EVI2A: variants seen among roughly 807,000 people sequenced by gnomAD.
EVI2A encodes the protein ecotropic viral integration site 2A.
Under a neutral mutation model 13.0 loss-of-function variants are expected in EVI2A, and 11 were observed. The ratio of observed to expected loss-of-function variants is 0.85; its 90% CI spans 0.53 to 1.40. The LOEUF (loss-of-function observed/expected upper bound fraction) is 1.40. EVI2A is among the 40% of genes most tolerant of loss of function. The pLI is 0.00. For synonymous variants in EVI2A, 89 were observed against 98.0 expected (o/e 0.91, Z 0.54); for missense variants, 267 against 279.5 (o/e 0.96, Z 0.32).
In EVI2A at chr17:31,317,079, G is replaced by C. The variant is rs1340193373; in HGVS notation, c.*1224C>G. 6.6e-6 allele frequency among the ~76,000 whole-genome samples: 1 copy of C among 152,092 alleles called. No homozygotes were observed. Among genetic ancestry groups the C allele is most frequent in the Non-Finnish European group, 1.5e-5 (1 of 68,018 alleles). On this transcript the variant is annotated 3_prime_UTR_variant, in exon 2 of 2. Coordinates refer to ENST00000462804, the MANE Select transcript of EVI2A (RefSeq NM_014210.4). Reference sequence around the variant, plus strand: ...AAGAATCACTAGCTTAGAAGGGAGAGTAAGATTGTAGTCATACTTGGGAAA... The same window carrying C: ...AAGAATCACTAGCTTAGAAGGGAGACTAAGATTGTAGTCATACTTGGGAAA...
intron 1 of EVI2A, chr17:31,320,495 A>C: frequency 2.1e-6 from 3 of 1,401,752 alleles, no homozygotes; most frequent in South Asian, 1.2e-5. Flanking sequence ...GTTATATGTC[A>C]TTGGCTGACA....
rs2069041551 is a variant in EVI2A, at chr17:31,317,161, G to A, written c.*1142C>T. Among the ~76,000 whole-genome samples, 1 of 152,082 alleles carries A rather than the reference G, an allele frequency of 6.6e-6. No homozygotes were observed. Among genetic ancestry groups the A allele is most frequent in the Non-Finnish European group, 1.5e-5 (1 of 68,022 alleles). On this transcript the variant is annotated 3_prime_UTR_variant, in exon 2 of 2. Coordinates refer to ENST00000462804, the MANE Select transcript of EVI2A (RefSeq NM_014210.4). Reference sequence around the variant, plus strand: ...CTATATTGCCCGAAATAAATGCCCAGTAAGGGATGAGATTTTTGAAATGTG... The same window carrying A: ...CTATATTGCCCGAAATAAATGCCCAATAAGGGATGAGATTTTTGAAATGTG...
At position 31,318,266 on chromosome 17, in the gene EVI2A, C is replaced by A; in HGVS notation, c.*37G>T. ...ATACCAACTGACTTCATTTTTACTC[C>A]ATAAGCCTTCTCATTGCTACTTTGC... On this transcript the variant is annotated 3_prime_UTR_variant, in exon 2 of 2. Transcript: ENST00000462804. The A allele has an allele frequency of 6.4e-7, 1 of 1,563,884 alleles. No homozygotes were observed. The highest frequency in any genetic ancestry group is 1.2e-5 in the South Asian group (1 of 81,664).
rs1267703699 is a variant in EVI2A at position 31,317,453 on chromosome 17, A to G, written c.*850T>C. On this transcript the variant is annotated 3_prime_UTR_variant, in exon 2 of 2. Coordinates refer to ENST00000462804, the MANE Select transcript of EVI2A (RefSeq NM_014210.4). ...TGGCATCCTTGAAGTCCAAAAATTA[A>G]TCAACCTTTGGTACTTGTTGTTAAT... 2.0e-5 allele frequency: 3 copies of G among 151,984 alleles called. No individual in the cohort carries two copies. Among genetic ancestry groups the G allele is most frequent in the African/African-American group, 7.2e-5 (3 of 41,380 alleles). The allele number at this position is 151,984 out of a possible 1,614,324, so 9.4% of individuals were successfully genotyped here.
chr17:31,318,755 T>A lies in EVI2A; in HGVS notation c.259A>T (p.Thr87Ser). Reference protein sequence around the residue: ...MPETSHIVALTSKSEQELYIP... With the variant: ...MPETSHIVALSSKSEQELYIP... Reference sequence around the variant, plus strand: ...TAAAGCTCCTGTTCAGATTTAGAAGTTAAAGCTACGATGTGAGATGTTTCA... The same window carrying A: ...TAAAGCTCCTGTTCAGATTTAGAAGATAAAGCTACGATGTGAGATGTTTCA... Residue 87 changes from threonine to serine, a missense_variant, in exon 2 of 2, where the codon ACT (threonine) becomes TCT (serine). Physicochemically the swap from Thr to Ser is moderately conservative, Grantham distance 58. Coordinates refer to ENST00000462804, the MANE Select transcript of EVI2A (RefSeq NM_014210.4). 1 of 1,614,100 alleles carries A rather than the reference T, an allele frequency of 6.2e-7. No homozygotes were observed. The highest frequency in any genetic ancestry group is 8.5e-7 in the Non-Finnish European group (1 of 1,179,978).
intron 1 of EVI2A, chr17:31,321,124 A>G (rs1049588599): frequency 2.6e-5 from 4 of 152,348 alleles, no homozygotes; most frequent in Non-Finnish European, 5.9e-5. Context: ...AGGTTGTGTT[A>G]TCAGAAGTTT....
At chr17:31,321,227 A>G (rs2069180837) in intron 1 of EVI2A, among the ~76,000 whole-genome samples, 1 of 152,224 alleles carries the variant, frequency 6.6e-6, no homozygotes, top group African/African-American at 2.4e-5. Context: ...TTAACTTTTG[A>G]AAAATAACAA....
Position 31,318,130 on chromosome 17 carries a change from C to G in EVI2A, c.*173G>C, listed in dbSNP as rs191395453. 113 of 717,152 alleles carry G rather than the reference C, an allele frequency of 1.6e-4. 3 individuals carry two copies. The Admixed American group carries it at 3.8e-3, about 24-fold the overall frequency. The allele number at this position is 717,152 out of a possible 1,614,324, so 44.4% of individuals were successfully genotyped here. A position where few individuals can be genotyped will look rare whatever the true frequency, so the allele number is the denominator to read the frequency against. On this transcript the variant is annotated 3_prime_UTR_variant, in exon 2 of 2. Transcript: ENST00000462804. Reference sequence around the variant, plus strand: ...TATTCAGTGTCAAAACAAAAGTACACAGTTTAAATAATTAAGCAGGCATAC... The same window carrying G: ...TATTCAGTGTCAAAACAAAAGTACAGAGTTTAAATAATTAAGCAGGCATAC...
chr17:31,320,409 C>G (rs1160443672), intron 1 of EVI2A: 1 of 1,609,482 alleles, frequency 6.2e-7, no homozygotes, highest in Non-Finnish European at 8.5e-7. Flanking sequence ...GTCTTTGTTT[C>G]CAAACCAACT....
At chr17:31,320,417 A>G (rs768583648) in intron 1 of EVI2A, 3 of 1,611,218 alleles carry the variant, frequency 1.9e-6, no homozygotes, top group Admixed American at 1.7e-5. Context: ...TTCCAAACCA[A>G]CTCCTAAGCA....
At chr17:31,320,389 G>T in intron 1 of EVI2A, 1 of 1,607,286 alleles carries the variant, frequency 6.2e-7, no homozygotes. Flanking sequence ...AGTATAGGTA[G>T]GGCCTGAAAG....
intron 1 of EVI2A, chr17:31,320,246 A>ACC: frequency 1.5e-6 from 1 of 683,006 alleles, no homozygotes; most frequent in Non-Finnish European, 2.2e-6. Flanking sequence ...GCAAAACTAT[A>ACC]TTGTTCTCCT....
intron 1 of EVI2A, among the ~76,000 whole-genome samples, chr17:31,319,755 G>T (rs201017375): frequency 8.5e-6 from 1 of 117,848 alleles, no homozygotes; most frequent in East Asian, 2.8e-4. Context: ...AAAATCTGAA[G>T]AAAAAAAAAA....
chr17:31,316,546 C>A lies in EVI2A; in HGVS notation c.*1757G>T, dbSNP rs12940802. Among the ~76,000 whole-genome samples the A allele has an allele frequency of 0.5, 75,559 of 151,950 alleles. 20,632 individuals carry two copies. Among genetic ancestry groups the A allele is most frequent in the Non-Finnish European group, 0.62 (42,136 of 67,950 alleles). The stretch of plus-strand genomic sequence containing the variant: ...TAATTTCTTTTAATTTTCTCTGACA[C>A]GTGTTTATTTATGACCCTTGATTCA... On this transcript the variant is annotated 3_prime_UTR_variant, in exon 2 of 2. Coordinates refer to ENST00000462804, the MANE Select transcript of EVI2A (RefSeq NM_014210.4).
intron 1 of EVI2A, chr17:31,320,578 A>G: frequency 1.6e-6 from 1 of 642,548 alleles, no homozygotes; most frequent in East Asian, 2.7e-5. Context: ...CAAAAGTAGC[A>G]TGTAATAAAC....
At position 31,317,269 on chromosome 17, in the gene EVI2A, T is replaced by TG. The variant is rs895043832; in HGVS notation, c.*1033dup. 9.9e-5 allele frequency among the ~76,000 whole-genome samples: 15 copies of TG among 151,780 alleles called. No homozygotes were observed. Among genetic ancestry groups the TG allele is most frequent in the African/African-American group, 2.9e-4 (12 of 41,284 alleles). Reference sequence around the variant, plus strand: ...TTTTTGTAATATATTTAATTGAAGATGGGGGGGTTCTCAACTTAAATGTAA... The same window carrying TG: ...TTTTTGTAATATATTTAATTGAAGATGGGGGGGGTTCTCAACTTAAATGTAA... On this transcript the variant is annotated 3_prime_UTR_variant, in exon 2 of 2. Coordinates refer to ENST00000462804, the MANE Select transcript of EVI2A (RefSeq NM_014210.4).
Position 31,321,518 on chromosome 17 carries a change from C to G in EVI2A, c.-34G>C, listed in dbSNP as rs1273978494. The G allele has an allele frequency of 6.6e-6, 1 of 152,112 alleles. No individual in the cohort carries two copies. The highest frequency in any genetic ancestry group is 1.5e-5 in the Non-Finnish European group (1 of 68,016). 9.4% of individuals were successfully genotyped at this position (152,112 alleles called of 1,614,324 possible). A position where few individuals can be genotyped will look rare whatever the true frequency, so the allele number is the denominator to read the frequency against. On this transcript the variant is annotated 5_prime_UTR_variant, in exon 1 of 2. Coordinates refer to ENST00000462804, the MANE Select transcript of EVI2A (RefSeq NM_014210.4). ...ACCTTACAAAATGCTTGGTCAAAAT[C>G]TGATTATAACGTGATTTTGATAAAC...
chr17:31,320,175 T>A (rs1038036400), intron 1 of EVI2A, among the ~76,000 whole-genome samples: 3 of 152,158 alleles, frequency 2.0e-5, no homozygotes, highest in African/African-American at 7.2e-5. Context: ...TATACCAGTT[T>A]GTCTTGAGCT....
In EVI2A at chr17:31,318,644, C is replaced by T. The variant is rs748478382; in HGVS notation, c.370G>A (p.Asp124Asn). Reference sequence around the variant, plus strand: ...TTGTTGTTGTTTTCCGCACAGACATCCTTTTTGAAAATTTCACCATGACTT... The same window carrying T: ...TTGTTGTTGTTTTCCGCACAGACATTCTTTTTGAAAATTTCACCATGACTT... Reference protein sequence around the residue: ...SKSHGEIFKKDVCAENNNNMA... With the variant: ...SKSHGEIFKKNVCAENNNNMA... The change falls in exon 2 of 2, where the codon GAT becomes AAT. Residue 124 changes from aspartate to asparagine, a missense_variant. By Grantham distance (23) the Asp-to-Asn change is conservative. Transcript: ENST00000462804. 1.2e-6 allele frequency: 2 copies of T among 1,613,916 alleles called. No homozygotes were observed. Among genetic ancestry groups the T allele is most frequent in the African/African-American group, 1.3e-5 (1 of 74,906 alleles).
Sources: gnomAD v4.1 joint callset for allele counts (sites outside exome capture counted in the v4.1 genomes callset) on GRCh38, gnomAD v4.1.1 for gene constraint, MANE v1.5 for transcripts, NCBI Gene and HGNC (gene_info 2026-07-23, HGNC 2026-07-21) for gene names.